Variants in IGSF5 observed in about 807,000 individuals in gnomAD.
The protein encoded by IGSF5 is immunoglobulin superfamily member 5.
Under a neutral mutation model 39.4 loss-of-function variants are expected in IGSF5, and 41 were observed. That is an observed-to-expected ratio of 1.04 (90% CI 0.81 to 1.35). IGSF5 has a LOEUF of 1.35. IGSF5 is among the 40% of genes most tolerant of loss of function. The pLI is 0.00. For synonymous variants in IGSF5, 183 were observed against 175.3 expected, an observed-to-expected ratio of 1.04 and a Z score of -0.34; for missense variants, 487 against 494.6, an observed-to-expected ratio of 0.98 and a Z score of 0.15.
At chr21:39,760,147 C>T (rs1411206029) in intron 2 of IGSF5, among the ~76,000 whole-genome samples, 1 of 152,178 alleles carries the variant, frequency 6.6e-6, no homozygotes, top group African/African-American at 2.4e-5. Context: ...CCATAAGTCT[C>T]TTCCCAGACC....
At chr21:39,762,192 A>T (rs1025165587) in intron 2 of IGSF5, among the ~76,000 whole-genome samples, 6 of 152,172 alleles carry the variant, frequency 3.9e-5, no homozygotes, top group African/African-American at 1.4e-4. Context: ...AAAGAGTCAA[A>T]CTTCGTAAAG....
chr21:39,773,693 C>G (rs1372118326), intron 4 of IGSF5, among the ~76,000 whole-genome samples: 1 of 152,110 alleles, frequency 6.6e-6, no homozygotes, highest in Non-Finnish European at 1.5e-5. Flanking sequence ...TTCCCTGTCT[C>G]CACCTGGAAT....
intron 4 of IGSF5, among the ~76,000 whole-genome samples, chr21:39,775,254 G>A (rs2080133978): frequency 1.3e-5 from 2 of 152,180 alleles, no homozygotes; most frequent in African/African-American, 4.8e-5. Flanking sequence ...ACAATCACTA[G>A]CCGTGTGTCT....
intron 8 of IGSF5, among the ~76,000 whole-genome samples, chr21:39,798,171 A>G (rs556703050): frequency 2.0e-5 from 3 of 152,316 alleles, no homozygotes; most frequent in African/African-American, 4.8e-5. Context: ...GGAGAACTCA[A>G]TGTGGCTAGG....
chr21:39,764,419 C>A (rs8132429), intron 2 of IGSF5, among the ~76,000 whole-genome samples: 1 of 152,062 alleles, frequency 6.6e-6, no homozygotes, highest in Admixed American at 6.5e-5. Context: ...CGGCTCACTG[C>A]AACCTCTGCC....
At chr21:39,761,221 A>G (rs1055143908) in intron 2 of IGSF5, among the ~76,000 whole-genome samples, 4 of 152,226 alleles carry the variant, frequency 2.6e-5, no homozygotes, top group Non-Finnish European at 5.9e-5. Context: ...GAATAAAACT[A>G]GGCCCTTACC....
intron 5 of IGSF5, among the ~76,000 whole-genome samples, chr21:39,781,153 T>A (rs527739321): frequency 6.6e-6 from 1 of 152,284 alleles, no homozygotes; most frequent in Admixed American, 6.5e-5. Context: ...CAATTCACTC[T>A]GTAGTATAAC....
rs191281655 is a variant in IGSF5, at chr21:39,791,868, A to T, written c.957-140A>T. On this transcript the variant is annotated intron_variant, in intron 6 of 8. Transcript: ENST00000380588. The stretch of plus-strand genomic sequence containing the variant: ...ATACCTGCAACGCAGCGGCAAAGCT[A>T]TGGACTTCCTGTGTTAAGTTCAATG... 1,155 of 618,770 alleles carry T rather than the reference A, an allele frequency of 1.9e-3. 1 individual carries two copies. The highest frequency in any genetic ancestry group is 2.3e-3 in the Non-Finnish European group (793 of 343,146). The allele number at this position is 618,770 out of a possible 1,614,324, so 38.3% of individuals were successfully genotyped here. A position where few individuals can be genotyped will look rare whatever the true frequency, so the allele number is the denominator to read the frequency against.
chr21:39,775,162 T>C (rs1435856162), intron 4 of IGSF5, among the ~76,000 whole-genome samples: 1 of 152,052 alleles, frequency 6.6e-6, no homozygotes, highest in Non-Finnish European at 1.5e-5. Context: ...CTCTAAGGCC[T>C]AGCCTTCCCC....
intron 5 of IGSF5, among the ~76,000 whole-genome samples, chr21:39,786,624 C>T (rs373768667): frequency 6.7e-6 from 1 of 150,154 alleles, no homozygotes; most frequent in Non-Finnish European, 1.5e-5. Context: ...ACCCAAAGGA[C>T]TATAAATCAT....
chr21:39,783,604 A>G (rs1169576250), intron 5 of IGSF5, among the ~76,000 whole-genome samples: 1 of 152,096 alleles, frequency 6.6e-6, no homozygotes. Flanking sequence ...TGAGTTCCTT[A>G]TATAGTCTGG....
At chr21:39,713,091 G>A in the IGSF5 span, among the ~76,000 whole-genome samples, 2 of 152,206 alleles carry the variant, frequency 1.3e-5, no homozygotes, top group East Asian at 3.9e-4. Context: ...TCTGCCATCT[G>A]TGAACCAAGC....
chr21:39,782,752 A>G (rs1030991210), intron 5 of IGSF5, among the ~76,000 whole-genome samples: 1 of 152,218 alleles, frequency 6.6e-6, no homozygotes, highest in Non-Finnish European at 1.5e-5. Context: ...CTTCTCTTCC[A>G]GACTTTTGAA....
chr21:39,715,162 G>C, the IGSF5 span, among the ~76,000 whole-genome samples: 8 of 151,576 alleles, frequency 5.3e-5, no homozygotes, highest in Admixed American at 3.3e-4. Flanking sequence ...CTGTCACCCA[G>C]GCTGGAATGC....
the IGSF5 span, chr21:39,729,747 C>G: frequency 6.6e-6 from 1 of 152,194 alleles, no homozygotes; most frequent in East Asian, 1.9e-4. Context: ...AATGTTAAGA[C>G]TGTTCAAGAC....
chr21:39,778,849 A>T (rs1336099282), intron 4 of IGSF5, among the ~76,000 whole-genome samples: 1 of 152,236 alleles, frequency 6.6e-6, no homozygotes, highest in East Asian at 1.9e-4. Flanking sequence ...ACATTAAACA[A>T]GCAACACCTG....
At chr21:39,737,700 C>T in the IGSF5 span, among the ~76,000 whole-genome samples, 37 of 152,228 alleles carry the variant, frequency 2.4e-4, no homozygotes, top group Non-Finnish European at 4.9e-4. Flanking sequence ...CCAGGAACCT[C>T]CATGTGTTCC....
intron 2 of IGSF5, among the ~76,000 whole-genome samples, chr21:39,752,149 A>C (rs1435243720): frequency 1.3e-5 from 2 of 152,086 alleles, no homozygotes; most frequent in African/African-American, 4.8e-5. Flanking sequence ...CCTAATATGT[A>C]GTCTTTTATC....
intron 2 of IGSF5, among the ~76,000 whole-genome samples, chr21:39,759,965 T>C (rs1261021108): frequency 6.6e-6 from 1 of 151,576 alleles, no homozygotes; most frequent in African/African-American, 2.4e-5. Flanking sequence ...GAGGAGAGTA[T>C]ATATGGGCTA....
Sources: gnomAD v4.1 joint callset for allele counts (sites outside exome capture counted in the v4.1 genomes callset) on GRCh38, gnomAD v4.1.1 for gene constraint, MANE v1.5 for transcripts, NCBI Gene and HGNC (gene_info 2026-07-23, HGNC 2026-07-21) for gene names.